Variants in VWA3B observed in about 807,000 individuals in gnomAD.
VWA3B encodes von Willebrand factor A domain-containing protein 3B.
Under a neutral mutation model 158.3 loss-of-function variants are expected in VWA3B, and 138 were observed. That is an observed-to-expected ratio of 0.87 (90% CI 0.76 to 1.00). VWA3B has a LOEUF of 1.00. VWA3B is among the 50% of genes least tolerant of loss of function. The pLI, the probability that VWA3B is intolerant of heterozygous loss-of-function variation, is 0.00. For synonymous variants in VWA3B, 596 were observed against 587.3 expected, an observed-to-expected ratio of 1.01 and a Z score of -0.21; for missense variants, 1,555 against 1,565.1, an observed-to-expected ratio of 0.99 and a Z score of 0.11.
At chr2:98,296,671 C>T (rs951911294) in intron 23 of VWA3B, among the ~76,000 whole-genome samples, 4 of 152,130 alleles carry the variant, frequency 2.6e-5, no homozygotes, top group East Asian at 3.9e-4. Flanking sequence ...TGGAGCCCAG[C>T]GGGACGCGTG....
intron 22 of VWA3B, among the ~76,000 whole-genome samples, chr2:98,282,219 T>C (rs540405869): frequency 9.4e-4 from 143 of 152,286 alleles, no homozygotes; most frequent in African/African-American, 3.2e-3. Flanking sequence ...AAGCCTATGT[T>C]CTGTTTCTGT....
chr2:98,190,651 T>A (rs1365163472), intron 10 of VWA3B, among the ~76,000 whole-genome samples: 3 of 152,208 alleles, frequency 2.0e-5, no homozygotes, highest in Non-Finnish European at 4.4e-5. Flanking sequence ...GTTTTACAGT[T>A]CTGTCTTTCA....
chr2:98,325,427 A>G, the VWA3B span, among the ~76,000 whole-genome samples: 1 of 152,262 alleles, frequency 6.6e-6, no homozygotes, highest in African/African-American at 2.4e-5. Flanking sequence ...TTCCACATCA[A>G]GTGAAAATAA....
At chr2:98,100,810 A>T (rs1163625342) in intron 2 of VWA3B, among the ~76,000 whole-genome samples, 1 of 152,134 alleles carries the variant, frequency 6.6e-6, no homozygotes, top group Non-Finnish European at 1.5e-5. Flanking sequence ...GGGAGGGGTG[A>T]TGCAGGTAAG....
chr2:98,101,355 A>C (rs1683064244), intron 2 of VWA3B, among the ~76,000 whole-genome samples: 1 of 152,226 alleles, frequency 6.6e-6, no homozygotes, highest in Non-Finnish European at 1.5e-5. Flanking sequence ...GGGAATCCAG[A>C]GTACTGAGTG....
intron 10 of VWA3B, among the ~76,000 whole-genome samples, chr2:98,191,686 T>G (rs1409389241): frequency 6.6e-6 from 1 of 152,216 alleles, no homozygotes; most frequent in East Asian, 1.9e-4. Context: ...CCTGAGGGGT[T>G]GATCAGCCTA....
In VWA3B at chr2:98,300,181, A is replaced by G. The variant is rs1018097550; in HGVS notation, c.3385A>G (p.Lys1129Glu). 1.9e-6 allele frequency: 3 copies of G among 1,614,120 alleles called. No individual in the cohort carries two copies. The highest frequency in any genetic ancestry group is 1.1e-5 in the South Asian group (1 of 91,088). Reference sequence around the variant, plus strand: ...TCCCAATAAGCATGTGGCCACAGAAAAATTCTACACAGTTTTGAAGTGTAA... The same window carrying G: ...TCCCAATAAGCATGTGGCCACAGAAGAATTCTACACAGTTTTGAAGTGTAA... ...ALPNKHVATE[K>E]FYTVLKCNNR... Residue 1129 changes from lysine (K) to glutamate (E), a missense_variant, in exon 25 of 28, where the codon AAA becomes GAA. Coordinates refer to ENST00000477737, the MANE Select transcript of VWA3B (RefSeq NM_144992.5).
intron 13 of VWA3B, among the ~76,000 whole-genome samples, chr2:98,212,388 C>G (rs922234483): frequency 6.6e-6 from 1 of 152,190 alleles, no homozygotes; most frequent in Non-Finnish European, 1.5e-5. Context: ...GACTCTGAAT[C>G]TAACATGTCA....
chr2:98,162,154 T>C (rs898915637), intron 7 of VWA3B, among the ~76,000 whole-genome samples: 1 of 151,328 alleles, frequency 6.6e-6, no homozygotes, highest in Non-Finnish European at 1.5e-5. Flanking sequence ...GCACATCCAT[T>C]TCCCCCCGGC....
downstream of VWA3B, among the ~76,000 whole-genome samples, chr2:98,314,983 CAA>C (rs1247032638): frequency 5.7e-5 from 6 of 104,562 alleles, no homozygotes; most frequent in Non-Finnish European, 5.9e-5. Context: ...GAGTCCATCT[CAA>C]AAAAAAAAAA....
chr2:98,223,034 CA>C (rs917734126), intron 14 of VWA3B, among the ~76,000 whole-genome samples: 1 of 152,120 alleles, frequency 6.6e-6, no homozygotes, highest in African/African-American at 2.4e-5. Flanking sequence ...GAATGACCTG[CA>C]AGGATTTTAA....
intron 14 of VWA3B, among the ~76,000 whole-genome samples, chr2:98,218,893 G>A (rs1384158171): frequency 6.6e-6 from 1 of 152,186 alleles, no homozygotes; most frequent in Non-Finnish European, 1.5e-5. Flanking sequence ...GTGAGGATTG[G>A]AAACTTCATA....
intron 21 of VWA3B, among the ~76,000 whole-genome samples, chr2:98,270,443 A>T (rs1688126732): frequency 6.6e-6 from 1 of 152,216 alleles, no homozygotes; most frequent in Non-Finnish European, 1.5e-5. Flanking sequence ...GGTAATAGGG[A>T]AAAGTGCCTA....
At chr2:98,121,786 T>G (rs1458517110) in intron 5 of VWA3B, among the ~76,000 whole-genome samples, 1 of 151,916 alleles carries the variant, frequency 6.6e-6, no homozygotes, top group African/African-American at 2.4e-5. Context: ...GCCATAGTTG[T>G]GCATCTTTGC....
intron 25 of VWA3B, among the ~76,000 whole-genome samples, chr2:98,302,498 C>G (rs1690259463): frequency 6.6e-6 from 1 of 152,208 alleles, no homozygotes; most frequent in Admixed American, 6.5e-5. Flanking sequence ...AACAGACCCA[C>G]AAGTGAACTA....
At chr2:98,199,604 A>G (rs1229364269) in intron 12 of VWA3B, among the ~76,000 whole-genome samples, 2 of 152,284 alleles carry the variant, frequency 1.3e-5, no homozygotes, top group East Asian at 3.9e-4. Context: ...AGAAAACCAA[A>G]TCTTCTATAA....
chr2:98,230,302 A>T (rs964283336), intron 16 of VWA3B, 95 bp downstream of exon 16: 2 of 1,276,682 alleles, frequency 1.6e-6, no homozygotes, highest in Non-Finnish European at 2.0e-6. Context: ...TTTAAGAAGC[A>T]CTAAACTTGT....
chr2:98,283,817 T>C (rs1689014704), intron 22 of VWA3B, among the ~76,000 whole-genome samples: 1 of 152,254 alleles, frequency 6.6e-6, no homozygotes, highest in South Asian at 2.1e-4. Context: ...ATGCAGAAAC[T>C]GAGGCCCAAG....
chr2:98,259,295 T>C (rs1366838340), intron 21 of VWA3B, among the ~76,000 whole-genome samples: 1 of 151,808 alleles, frequency 6.6e-6, no homozygotes, highest in Non-Finnish European at 1.5e-5. Flanking sequence ...AAGTATTCCC[T>C]CATCCATTTT....
Sources: allele counts gnomAD v4.1 joint callset (sites outside exome capture counted in the v4.1 genomes callset), GRCh38; gene constraint gnomAD v4.1.1; transcripts MANE v1.5; gene names NCBI Gene and HGNC (gene_info 2026-07-23, HGNC 2026-07-21).